HNRNPAB: variants seen among roughly 807,000 people sequenced by gnomAD.
HNRNPAB encodes the protein heterogeneous nuclear ribonucleoprotein A/B, also known as ABBP-1.
In HNRNPAB, 17 loss-of-function variants were observed where a neutral mutation model predicts 44.1. The observed-to-expected ratio is 0.39, with a 90% CI of 0.26 to 0.58. The LOEUF (loss-of-function observed/expected upper bound fraction) is 0.58. Among genes scored for constraint, HNRNPAB ranks in the 20% least tolerant of loss-of-function variants. The pLI is 0.63. For synonymous variants in HNRNPAB, 183 were observed against 167.6 expected (o/e 1.09, Z -0.71); for missense variants, 393 against 432.7 (o/e 0.91, Z 0.81).
At chr5:178,210,013 T>G in intron 6 of HNRNPAB, 119 bp from the exon 7 acceptor site, 1 of 1,423,254 alleles carries the variant, frequency 7.0e-7, no homozygotes, top group South Asian at 1.4e-5. Context: ...CAGCAGCCCC[T>G]TGGCTTCTGC....
Position 178,210,201 on chromosome 5 carries a change from A to G in HNRNPAB, c.857A>G (p.Tyr286Cys). ...CAGGGCTACGGCTACCAGCAGGGCT[A>G]CGGGCCTGGCTATGGCGGCTACGAC... ...WNQGYGYQQG[Y>C]GPGYGGYDYS... The change falls in exon 7 of 8, where the codon TAC (tyrosine) becomes TGC (cysteine). Residue 286 changes from tyrosine (Y) to cysteine (C), a missense_variant. By Grantham distance (194) the Tyr-to-Cys change is radical. Coordinates refer to ENST00000358344, the MANE Select transcript of HNRNPAB (RefSeq NM_031266.3). 5 of 1,612,886 alleles carry G rather than the reference A, an allele frequency of 3.1e-6. No homozygotes were observed. The highest frequency in any genetic ancestry group is 3.4e-6 in the Non-Finnish European group (4 of 1,178,864).
intron 5 of HNRNPAB, among the ~76,000 whole-genome samples, chr5:178,208,307 G>A (rs1757198057): frequency 6.6e-6 from 1 of 152,148 alleles, no homozygotes; most frequent in South Asian, 2.1e-4. Context: ...GAGTGGATTA[G>A]GATAGTCTTA....
At position 178,210,988 on chromosome 5, in the gene HNRNPAB, A is replaced by T. The variant is rs964510207; in HGVS notation, c.*365A>T. The stretch of plus-strand genomic sequence containing the variant: ...AGTGTCACCTTTTTTTCACCTTTTA[A>T]TTTTATATTATTTGCGTCATACATT... On this transcript the variant is annotated 3_prime_UTR_variant, in exon 8 of 8. Transcript: ENST00000358344. 2 of 239,160 alleles carry T rather than the reference A, an allele frequency of 8.4e-6. No individual in the cohort carries two copies. Among genetic ancestry groups the T allele is most frequent in the Non-Finnish European group, 1.6e-5 (2 of 123,170 alleles). 14.8% of individuals were successfully genotyped at this position (239,160 alleles called of 1,614,324 possible).
At chr5:178,208,066 A>C (rs186001168) in intron 5 of HNRNPAB, among the ~76,000 whole-genome samples, 1 of 152,190 alleles carries the variant, frequency 6.6e-6, no homozygotes, top group Non-Finnish European at 1.5e-5. Flanking sequence ...ATCCAGGGTC[A>C]GTTGTGCTTT....
In HNRNPAB at chr5:178,207,251, C is replaced by T; in HGVS notation, c.669+26C>T. On this transcript the variant is annotated intron_variant, in intron 5 of 7. Transcript: ENST00000358344. ...GTAAGGTGTTCCCAGCTCTGCTTGG[C>T]CTCCTGTGCTGCTGGAGAGCTGGCC... 3.1e-6 allele frequency: 5 copies of T among 1,612,380 alleles called. No homozygotes were observed. The South Asian group carries it at 5.5e-5, about 18-fold the overall frequency.
chr5:178,204,934 G>C lies in HNRNPAB; in HGVS notation c.97G>C (p.Gly33Arg), dbSNP rs2113529878. The change falls in exon 2 of 8, where the codon GGC becomes CGC. Residue 33 changes from glycine (G) to arginine (R), a missense_variant. Transcript: ENST00000358344. ...CGAAGGCGAGTCGCCGGCCGGGGCT[G>C]GCACGGGCGCCGCGGCGGGGGCTGG... is the stretch of plus-strand genomic sequence containing the variant. ...VPEGESPAGA[G>R]TGAAAGAGGA... is the part of the protein sequence containing the mutation. 1 of 1,210,794 alleles carries C rather than the reference G, an allele frequency of 8.3e-7. No individual in the cohort carries two copies. Among genetic ancestry groups the C allele is most frequent in the Middle Eastern group, 3.2e-4 (1 of 3,078 alleles). 75.0% of individuals were successfully genotyped at this position (1,210,794 alleles called of 1,614,324 possible). A position where few individuals can be genotyped will look rare whatever the true frequency, so the allele number is the denominator to read the frequency against.
chr5:178,210,382 C>T (rs1561672352), intron 7 of HNRNPAB, 110 bp downstream of exon 7: 1 of 1,579,526 alleles, frequency 6.3e-7, no homozygotes, highest in Non-Finnish European at 8.6e-7. Context: ...AGGCCTGGCT[C>T]AGCCATGGGA....
At chr5:178,210,418 T>A in intron 7 of HNRNPAB, 135 bp from the exon 8 acceptor site, 1 of 1,534,604 alleles carries the variant, frequency 6.5e-7, no homozygotes, top group East Asian at 2.3e-5. Context: ...GCCTTAGACT[T>A]CGGGGTCTTA....
rs146209319 is a variant in HNRNPAB at position 178,210,633 on chromosome 5, A to C, written c.*10A>C. The C allele has an allele frequency of 1.2e-6, 2 of 1,609,040 alleles. No individual in the cohort carries two copies. Among genetic ancestry groups the C allele is most frequent in the Non-Finnish European group, 1.7e-6 (2 of 1,175,576 alleles). ...CTACAAGCCATACTGAGGCGGCAGC[A>C]GGAGCGACCAACTGATCGCACACAT... On this transcript the variant is annotated 3_prime_UTR_variant, in exon 8 of 8. Coordinates refer to ENST00000358344, the MANE Select transcript of HNRNPAB (RefSeq NM_031266.3).
intron 7 of HNRNPAB, 104 bp from the exon 8 acceptor site, chr5:178,210,449 T>C (rs1017673537): frequency 2.2e-5 from 33 of 1,490,396 alleles, no homozygotes; most frequent in Non-Finnish European, 3.0e-5. Flanking sequence ...GAAGGCAGTC[T>C]CTGCTGTCAC....
At chr5:178,205,165 C>G in intron 2 of HNRNPAB, 119 bp downstream of exon 2, 1 of 657,886 alleles carries the variant, frequency 1.5e-6, no homozygotes, top group South Asian at 7.5e-5. Context: ...GTGCGGCCCG[C>G]GGACTGTCGC....
At chr5:178,207,000 C>T (rs936590141) in intron 4 of HNRNPAB, 94 bp from the exon 5 acceptor site, 8 of 1,584,674 alleles carry the variant, frequency 5.0e-6, no homozygotes, top group African/African-American at 1.4e-5. Flanking sequence ...TATTTTTCAC[C>T]CTCTGTCTTC....
At chr5:178,208,104 G>T (rs1332013654) in intron 5 of HNRNPAB, among the ~76,000 whole-genome samples, 1 of 152,210 alleles carries the variant, frequency 6.6e-6, no homozygotes, top group African/African-American at 2.4e-5. Flanking sequence ...GTGCAGGGAG[G>T]TGTAGCTCTT....
At chr5:178,210,096 T>C (rs372368223) in intron 6 of HNRNPAB, 36 bp from the exon 7 acceptor site, 34 of 1,608,200 alleles carry the variant, frequency 2.1e-5, no homozygotes, top group Non-Finnish European at 2.5e-5. Flanking sequence ...GTATGCTAAA[T>C]GGTCCACGGG....
At chr5:178,205,291 A>G (rs967190640) in intron 2 of HNRNPAB, among the ~76,000 whole-genome samples, 27 of 151,274 alleles carry the variant, frequency 1.8e-4, no homozygotes, top group African/African-American at 4.3e-4. Flanking sequence ...GGCCAGGGCC[A>G]GGGCCGGAGC....
Position 178,204,938 on chromosome 5 carries a change from C to G in HNRNPAB, c.101C>G (p.Thr34Arg), listed in dbSNP as rs1756981988. 1.7e-6 allele frequency: 2 copies of G among 1,209,954 alleles called. No individual in the cohort carries two copies. The highest frequency in any genetic ancestry group is 2.1e-6 in the Non-Finnish European group (2 of 973,934). The allele number at this position is 1,209,954 out of a possible 1,614,324, so 75.0% of individuals were successfully genotyped here. A position where few individuals can be genotyped will look rare whatever the true frequency, so the allele number is the denominator to read the frequency against. ...PEGESPAGAGTGAAAGAGGAT... is the reference protein window; with the variant it reads ...PEGESPAGAGRGAAAGAGGAT... ...GGCGAGTCGCCGGCCGGGGCTGGCA[C>G]GGGCGCCGCGGCGGGGGCTGGAGGC... is the stretch of plus-strand genomic sequence containing the variant. The change falls in exon 2 of 8, where the codon ACG (threonine) becomes AGG (arginine). Residue 34 changes from threonine (T) to arginine (R), a missense_variant. Thr to Arg is a moderately conservative substitution (Grantham distance 71). Coordinates refer to ENST00000358344, the MANE Select transcript of HNRNPAB (RefSeq NM_031266.3).
intron 3 of HNRNPAB, 49 bp downstream of exon 3, chr5:178,206,059 T>C: frequency 6.5e-7 from 1 of 1,532,468 alleles, no homozygotes; most frequent in East Asian, 2.3e-5. Flanking sequence ...CGATTTGAAT[T>C]CTAAGAGGAC....
Position 178,206,800 on chromosome 5 carries a change from G to C in HNRNPAB, c.447G>C (p.Lys149Asn). ...ACCCTAAAAAGGCCATGGCTATGAA[G>C]AAGGACCCGGTGAAGAAAATCTTCG... ...VIDPKKAMAM[K>N]KDPVKKIFVG... is the part of the protein sequence containing the mutation. Residue 149 changes from lysine to asparagine, a missense_variant, in exon 4 of 8, where the codon AAG becomes AAC. Lys to Asn is a moderately conservative substitution (Grantham distance 94, BLOSUM62 0). Coordinates refer to ENST00000358344, the MANE Select transcript of HNRNPAB (RefSeq NM_031266.3). The C allele has an allele frequency of 1.2e-6, 2 of 1,614,196 alleles. No individual in the cohort carries two copies. Among genetic ancestry groups the C allele is most frequent in the Non-Finnish European group, 1.7e-6 (2 of 1,180,030 alleles).
At chr5:178,209,511 T>C in intron 6 of HNRNPAB, 64 bp downstream of exon 6, 1 of 1,396,078 alleles carries the variant, frequency 7.2e-7, no homozygotes, top group South Asian at 1.2e-5. Context: ...TCCAAGCCTG[T>C]CTTGGGGCTC....
Sources: allele counts gnomAD v4.1 joint callset (sites outside exome capture counted in the v4.1 genomes callset), GRCh38; gene constraint gnomAD v4.1.1; transcripts MANE v1.5; gene names NCBI Gene and HGNC (gene_info 2026-07-23, HGNC 2026-07-21).